Variants in NPAS3 observed in about 807,000 individuals in gnomAD.
The protein encoded by NPAS3 is neuronal PAS domain protein 3.
A neutral mutation model predicts 73.1 loss-of-function variants in NPAS3; 14 were observed. That is an observed-to-expected ratio of 0.19 (90% CI 0.13 to 0.30). NPAS3 has a LOEUF of 0.30. NPAS3 is among the 10% of genes least tolerant of loss of function. NPAS3 has a pLI of 1.00. For missense variants in NPAS3, 1,096 were observed against 1,250.0 expected (o/e 0.88, Z 1.86); for synonymous variants, 620 against 541.5 (o/e 1.14, Z -2.01).
intron 1 of NPAS3, among the ~76,000 whole-genome samples, chr14:32,990,537 A>G (rs939340610): frequency 6.6e-6 from 1 of 152,170 alleles, no homozygotes; most frequent in Non-Finnish European, 1.5e-5. Flanking sequence ...TTTAGTAATA[A>G]TGGAAGGCTA....
chr14:33,773,599 A>C (rs1419807856), intron 7 of NPAS3, among the ~76,000 whole-genome samples: 1 of 152,216 alleles, frequency 6.6e-6, no homozygotes, highest in Non-Finnish European at 1.5e-5. Context: ...TATTTTGGCC[A>C]AGAAACTGAA....
chr14:33,793,851 G>A (rs375034190), intron 9 of NPAS3, 46 bp from the exon 10 acceptor site: 1 of 1,489,052 alleles, frequency 6.7e-7, no homozygotes, highest in Non-Finnish European at 9.1e-7. Flanking sequence ...AAAGTTATTT[G>A]ATCCCAGTCT....
chr14:32,993,857 A>G (rs746987807), intron 1 of NPAS3, among the ~76,000 whole-genome samples: 11 of 152,240 alleles, frequency 7.2e-5, no homozygotes, highest in Non-Finnish European at 1.6e-4. Flanking sequence ...GATATAGTCA[A>G]ATTTTGATCA....
rs139614187 is a variant in NPAS3, at chr14:33,452,957, A to C, written c.468+85689A>C. On this transcript the variant is annotated intron_variant, in intron 4 of 11. Coordinates refer to ENST00000356141, the Ensembl canonical transcript of NPAS3. ...GTAAGCATGGTTTCTTATTGTTTAA[A>C]AAATGAAAGGAAATTAGGTATCCGA... Among the ~76,000 whole-genome samples, 190 of 152,240 alleles carry C rather than the reference A, an allele frequency of 1.2e-3. 1 individual carries two copies. The highest frequency in any genetic ancestry group is 4.4e-3 in the African/African-American group (181 of 41,538).
At chr14:33,227,593 A>C (rs2047682869) in intron 3 of NPAS3, among the ~76,000 whole-genome samples, 1 of 152,178 alleles carries the variant, frequency 6.6e-6, no homozygotes, top group Non-Finnish European at 1.5e-5. Flanking sequence ...ATATCCGTAC[A>C]AGATGGAAAG....
intron 4 of NPAS3, among the ~76,000 whole-genome samples, chr14:33,413,542 G>A (rs2048022187): frequency 6.6e-6 from 1 of 152,034 alleles, no homozygotes; most frequent in Non-Finnish European, 1.5e-5. Context: ...TGAGCGTGTG[G>A]GGCATCGGAA....
chr14:33,126,124 T>C (rs2043417500), intron 2 of NPAS3, among the ~76,000 whole-genome samples: 1 of 152,206 alleles, frequency 6.6e-6, no homozygotes, highest in Non-Finnish European at 1.5e-5. Flanking sequence ...ACTGCAGTCC[T>C]CTCTACTGGT....
rs115387334 is a variant in NPAS3 at position 33,799,158 on chromosome 14, A to T, written c.1427-576A>T. On this transcript the variant is annotated intron_variant, in intron 11 of 11. Transcript: ENST00000356141. ...AGACCCTGCCAAAAATAATAATAAT[A>T]AATAATAAAAATAAAGATATACAGT... Among the ~76,000 whole-genome samples, 356 of 152,146 alleles carry T rather than the reference A, an allele frequency of 2.3e-3. 2 individuals carry two copies. The highest frequency in any genetic ancestry group is 8.3e-3 in the African/African-American group (343 of 41,502).
At chr14:33,334,726 G>T (rs1223809917) in intron 3 of NPAS3, among the ~76,000 whole-genome samples, 2 of 152,018 alleles carry the variant, frequency 1.3e-5, no homozygotes, top group African/African-American at 2.4e-5. Flanking sequence ...GAATTTTGGG[G>T]AACCAGTTGT....
At chr14:33,208,763 GA>G (rs2046923134) in intron 2 of NPAS3, among the ~76,000 whole-genome samples, 1 of 152,138 alleles carries the variant, frequency 6.6e-6, no homozygotes, top group Non-Finnish European at 1.5e-5. Context: ...AATATATCCT[GA>G]GTTTGTGGAA....
At chr14:33,755,978 A>G (rs1035402281) in intron 7 of NPAS3, among the ~76,000 whole-genome samples, 2 of 152,104 alleles carry the variant, frequency 1.3e-5, no homozygotes, top group Non-Finnish European at 2.9e-5. Context: ...CCCCTGAGGG[A>G]GACCATTCAT....
chr14:33,360,661 T>G (rs2045557849), intron 3 of NPAS3, among the ~76,000 whole-genome samples: 1 of 152,210 alleles, frequency 6.6e-6, no homozygotes, highest in Admixed American at 6.5e-5. Context: ...TTACAATCAT[T>G]GTTCTTCTGG....
chr14:33,416,291 T>A (rs1232053583), intron 4 of NPAS3, among the ~76,000 whole-genome samples: 1 of 151,904 alleles, frequency 6.6e-6, no homozygotes, highest in Non-Finnish European at 1.5e-5. Context: ...TCCCTGGAGA[T>A]CTCTAAAGGG....
intron 5 of NPAS3, among the ~76,000 whole-genome samples, chr14:33,658,440 TC>T (rs1302345381): frequency 6.6e-6 from 1 of 152,142 alleles, no homozygotes; most frequent in Non-Finnish European, 1.5e-5. Flanking sequence ...ATTTCACATA[TC>T]CCCCGAGGTA....
intron 5 of NPAS3, among the ~76,000 whole-genome samples, chr14:33,597,242 G>A (rs555150168): frequency 4.6e-5 from 7 of 152,228 alleles, no homozygotes; most frequent in South Asian, 4.1e-4. Flanking sequence ...TTTCACAGCC[G>A]TGAGCTCAAT....
intron 4 of NPAS3, among the ~76,000 whole-genome samples, chr14:33,395,366 C>A (rs756264720): frequency 1.3e-5 from 2 of 151,468 alleles, no homozygotes; most frequent in Non-Finnish European, 2.9e-5. Flanking sequence ...CCAGAATGAA[C>A]CATTAACTAT....
intron 2 of NPAS3, among the ~76,000 whole-genome samples, chr14:33,198,111 A>T (rs56777819): frequency 1.3e-5 from 2 of 151,950 alleles, no homozygotes; most frequent in African/African-American, 4.8e-5. Context: ...GGGGTTCGTG[A>T]TCTCACTGGC....
intron 5 of NPAS3, among the ~76,000 whole-genome samples, chr14:33,582,357 T>C (rs2056698007): frequency 6.6e-6 from 1 of 152,258 alleles, no homozygotes; most frequent in African/African-American, 2.4e-5. Context: ...GGCTTGGTTA[T>C]GTTTCCTGAA....
rs560813064 is a variant in NPAS3 at position 33,652,896 on chromosome 14, C to T, written c.559-23315C>T. Among the ~76,000 whole-genome samples, 132 of 111,552 alleles carry T rather than the reference C, an allele frequency of 1.2e-3. 1 individual carries two copies. In the East Asian group the frequency reaches 0.043, roughly 36 times the overall value. 73.2% of individuals were successfully genotyped at this position (111,552 alleles called of 152,430 possible). On this transcript the variant is annotated intron_variant, in intron 5 of 11. Coordinates refer to ENST00000356141, the Ensembl canonical transcript of NPAS3. The stretch of plus-strand genomic sequence containing the variant: ...TTGCTTGCTGTATTCACCCCCATTT[C>T]TCACCCCCGTGACCTTGGACAGCAA...
Sources: allele counts gnomAD v4.1 joint callset (sites outside exome capture counted in the v4.1 genomes callset), GRCh38; gene constraint gnomAD v4.1.1; transcripts MANE v1.5; gene names NCBI Gene and HGNC (gene_info 2026-07-23, HGNC 2026-07-21).